Variants in CRPPA observed in about 807,000 individuals in gnomAD.
CRPPA encodes D-ribitol-5-phosphate cytidylyltransferase.
CRPPA carries 43 observed loss-of-function variants against 52.0 expected under a neutral mutation model. The observed-to-expected ratio is 0.83, with a 90% confidence interval of 0.65 to 1.07. The LOEUF (loss-of-function observed/expected upper bound fraction) is 1.07. CRPPA is among the 50% of genes least tolerant of loss of function. CRPPA has a pLI of 0.00. For missense variants in CRPPA, 629 were observed against 551.7 expected, an observed-to-expected ratio of 1.14 and a Z score of -1.40; for synonymous variants, 250 against 203.5, an observed-to-expected ratio of 1.23 and a Z score of -1.94.
intron 9 of CRPPA, among the ~76,000 whole-genome samples, chr7:16,095,694 A>G (rs1781922261): frequency 6.6e-6 from 1 of 152,148 alleles, no homozygotes; most frequent in African/African-American, 2.4e-5. Flanking sequence ...CAAAGAAGAG[A>G]AACAGAACCC....
intron 9 of CRPPA, among the ~76,000 whole-genome samples, chr7:16,195,093 A>C (rs1162548452): frequency 6.6e-6 from 1 of 152,074 alleles, no homozygotes; most frequent in African/African-American, 2.4e-5. Flanking sequence ...ATAATATACA[A>C]TTCAGAGCCC....
chr7:16,273,842 A>G (rs1400895811), intron 6 of CRPPA, among the ~76,000 whole-genome samples: 3 of 152,126 alleles, frequency 2.0e-5, no homozygotes, highest in Admixed American at 1.3e-4. Flanking sequence ...ATGAAGTTCT[A>G]TTCCTGCCAT....
chr7:16,105,863 A>G (rs1443949885), intron 9 of CRPPA, among the ~76,000 whole-genome samples: 1 of 152,182 alleles, frequency 6.6e-6, no homozygotes, highest in Non-Finnish European at 1.5e-5. Flanking sequence ...CAGCACCTCT[A>G]TGAAGCTAAA....
At chr7:16,172,050 C>T (rs769934902) in intron 9 of CRPPA, among the ~76,000 whole-genome samples, 20 of 152,260 alleles carry the variant, frequency 1.3e-4, no homozygotes, top group Non-Finnish European at 2.5e-4. Context: ...CCTCAGCTTA[C>T]GAAAGCACGC....
At chr7:16,120,155 C>T (rs11760631) in intron 9 of CRPPA, among the ~76,000 whole-genome samples, 57,193 of 152,078 alleles carry the variant, frequency 0.38, 11,740 homozygotes, top group East Asian at 0.62. Flanking sequence ...TAACAAAGCC[C>T]TTCTCCTTGA....
chr7:16,158,304 G>A (rs964646322), intron 9 of CRPPA, among the ~76,000 whole-genome samples: 3 of 151,662 alleles, frequency 2.0e-5, no homozygotes, highest in African/African-American at 7.3e-5. Context: ...ATACATTATT[G>A]TCATTATATA....
intron 9 of CRPPA, among the ~76,000 whole-genome samples, chr7:16,193,746 CAA>C (rs746531296): frequency 1.3e-5 from 2 of 152,024 alleles, no homozygotes; most frequent in Non-Finnish European, 2.9e-5. Flanking sequence ...CTTTACAAAT[CAA>C]AGAGACAGCA....
At chr7:16,217,231 C>A (rs754205594) in intron 8 of CRPPA, among the ~76,000 whole-genome samples, 177 of 147,110 alleles carry the variant, frequency 1.2e-3, no homozygotes, top group East Asian at 2.8e-3. Flanking sequence ...GCTGAGGGTC[C>A]TGTCTGTTAG....
chr7:16,254,734 TAAGAAAGA>T (rs1783567747), intron 8 of CRPPA, among the ~76,000 whole-genome samples: 2 of 100,952 alleles, frequency 2.0e-5, no homozygotes, highest in Non-Finnish European at 4.3e-5. Context: ...TCTTAAAGTA[TAAGAAAGA>T]AAGACAGAAA....
Position 16,278,229 on chromosome 7 carries a change from G to C in CRPPA, c.836-3C>G. On this transcript the variant is annotated splice_polypyrimidine_tract_variant and splice_region_variant and intron_variant, in intron 5 of 9. Coordinates refer to ENST00000407010, the MANE Select transcript of CRPPA (RefSeq NM_001101426.4). The stretch of plus-strand genomic sequence containing the variant: ...ACAAATCTCTTGGGAAATTCTCTCT[G>C]AAATTAAAAAAAAAAAGTTTTAAGT... 1 of 1,459,224 alleles carries C rather than the reference G, an allele frequency of 6.9e-7. No individual in the cohort carries two copies. Among genetic ancestry groups the C allele is most frequent in the Non-Finnish European group, 9.3e-7 (1 of 1,074,870 alleles). The allele number at this position is 1,459,224 out of a possible 1,614,324, so 90.4% of individuals were successfully genotyped here. A position where few individuals can be genotyped will look rare whatever the true frequency, so the allele number is the denominator to read the frequency against.
At chr7:16,363,782 A>G (rs1339191602) in intron 3 of CRPPA, among the ~76,000 whole-genome samples, 1 of 152,206 alleles carries the variant, frequency 6.6e-6, no homozygotes, top group Non-Finnish European at 1.5e-5. Flanking sequence ...AAAAACACAA[A>G]TATGTCGTTA....
chr7:16,354,806 A>AGAG (rs1422270726), intron 3 of CRPPA, among the ~76,000 whole-genome samples: 2 of 152,206 alleles, frequency 1.3e-5, no homozygotes, highest in African/African-American at 4.8e-5. Context: ...AGAAAATAAT[A>AGAG]GAGTTAGTCA....
intron 3 of CRPPA, among the ~76,000 whole-genome samples, chr7:16,354,712 G>T (rs972321570): frequency 6.6e-6 from 1 of 152,082 alleles, no homozygotes; most frequent in African/African-American, 2.4e-5. Flanking sequence ...AAAAGGGTGT[G>T]TTTCCAAGAA....
At chr7:16,135,201 T>C (rs1052102151) in intron 9 of CRPPA, among the ~76,000 whole-genome samples, 20 of 152,106 alleles carry the variant, frequency 1.3e-4, no homozygotes, top group Non-Finnish European at 2.8e-4. Flanking sequence ...TTTGCAAAGG[T>C]TTTTAAAACA....
chr7:16,098,324 T>A (rs1458749604), intron 9 of CRPPA, among the ~76,000 whole-genome samples: 1 of 152,204 alleles, frequency 6.6e-6, no homozygotes, highest in Non-Finnish European at 1.5e-5. Context: ...AATGTATGCA[T>A]ATGTATTTAG....
chr7:16,233,019 A>G (rs1782848684), intron 8 of CRPPA, among the ~76,000 whole-genome samples: 1 of 152,144 alleles, frequency 6.6e-6, no homozygotes, highest in African/African-American at 2.4e-5. Context: ...CTCTAACTTC[A>G]AGAGATGAAA....
chr7:16,375,980 CT>C, intron 3 of CRPPA, 111 bp downstream of exon 3: 1 of 1,025,618 alleles, frequency 9.8e-7, no homozygotes, highest in Middle Eastern at 2.8e-4. Context: ...AAGTCTTAGC[CT>C]TGAGTATAAC....
At chr7:16,254,604 G>C (rs1783563849) in intron 8 of CRPPA, among the ~76,000 whole-genome samples, 2 of 151,732 alleles carry the variant, frequency 1.3e-5, no homozygotes, top group South Asian at 4.2e-4. Context: ...GAGGGGAGTG[G>C]GCAGGGACAG....
At chr7:16,215,814 C>G (rs28617534) in intron 9 of CRPPA, among the ~76,000 whole-genome samples, 2 of 151,978 alleles carry the variant, frequency 1.3e-5, no homozygotes, top group South Asian at 2.1e-4. Context: ...TTTGATAAAC[C>G]TGACAGTTCT....
Sources: gnomAD v4.1 joint callset for allele counts (sites outside exome capture counted in the v4.1 genomes callset) on GRCh38, gnomAD v4.1.1 for gene constraint, MANE v1.5 for transcripts, NCBI Gene and HGNC (gene_info 2026-07-23, HGNC 2026-07-21) for gene names.